The following FRAS1 variants were observed in gnomAD, a reference collection of about 807,000 sequenced individuals.
The protein encoded by FRAS1 is Fraser extracellular matrix complex subunit 1, also known as extracellular matrix organizing protein FRAS1.
A neutral mutation model predicts 435.2 loss-of-function variants in FRAS1; 290 were observed. The observed-to-expected ratio is 0.67, with a 90% CI of 0.61 to 0.73. The LOEUF is 0.73. FRAS1 is among the 30% of genes least tolerant of loss of function. The pLI, the probability that FRAS1 is intolerant of heterozygous loss-of-function variation, is 0.00. For missense variants in FRAS1, 4,860 were observed against 5,001.5 expected (o/e 0.97, Z 0.85); for synonymous variants, 1,800 against 1,851.0 (o/e 0.97, Z 0.71).
chr4:78,500,986 C>CT (rs1484778073), intron 61 of FRAS1, among the ~76,000 whole-genome samples: 8 of 152,120 alleles, frequency 5.3e-5, no homozygotes, highest in Admixed American at 5.2e-4. Flanking sequence ...TATATATATA[C>CT]TTTAAGTTCT....
At chr4:78,467,317 A>G (rs1290961281) in intron 50 of FRAS1, among the ~76,000 whole-genome samples, 3 of 152,154 alleles carry the variant, frequency 2.0e-5, no homozygotes, top group Non-Finnish European at 4.4e-5. Flanking sequence ...TATAAGTGAG[A>G]ACATGTGATG....
intron 19 of FRAS1, among the ~76,000 whole-genome samples, chr4:78,337,174 G>C (rs968875516): frequency 4.6e-5 from 7 of 152,192 alleles, no homozygotes; most frequent in African/African-American, 1.2e-4. Context: ...GTAGTGGCTT[G>C]AAGGGAGTGT....
chr4:78,132,183 C>A (rs181776865), intron 2 of FRAS1, among the ~76,000 whole-genome samples: 1 of 151,958 alleles, frequency 6.6e-6, no homozygotes, highest in Non-Finnish European at 1.5e-5. Flanking sequence ...TAAACCAGGG[C>A]CCCCCTGCAG....
At chr4:78,354,295 T>G (rs1730764977) in intron 20 of FRAS1, among the ~76,000 whole-genome samples, 1 of 152,154 alleles carries the variant, frequency 6.6e-6, no homozygotes, top group African/African-American at 2.4e-5. Context: ...ATTTGGTTAG[T>G]TTTTTAAGAG....
At chr4:78,065,390 A>T (rs1428155719) in intron 1 of FRAS1, among the ~76,000 whole-genome samples, 1 of 151,974 alleles carries the variant, frequency 6.6e-6, no homozygotes, top group East Asian at 1.9e-4. Context: ...CTTAGAAAGG[A>T]AATACACAAG....
At chr4:78,440,993 T>G (rs1734635602) in intron 40 of FRAS1, among the ~76,000 whole-genome samples, 169 bp from the exon 41 acceptor site, 1 of 152,226 alleles carries the variant, frequency 6.6e-6, no homozygotes, top group Non-Finnish European at 1.5e-5. Context: ...AAAGATTGCC[T>G]GGCTTCAGCA....
intron 33 of FRAS1, among the ~76,000 whole-genome samples, chr4:78,419,826 C>T (rs1167400952): frequency 2.0e-5 from 3 of 152,052 alleles, no homozygotes; most frequent in African/African-American, 7.2e-5. Context: ...TCTTACATGG[C>T]CAGAGCAGGA....
At chr4:78,214,136 T>G (rs4382062) in intron 2 of FRAS1, among the ~76,000 whole-genome samples, 145,941 of 152,248 alleles carry the variant, frequency 0.96, 70,239 homozygotes, top group East Asian at 1. Context: ...AACAGCAGAG[T>G]AGTAAAAGGG....
chr4:78,129,522 G>T (rs1719573236), intron 2 of FRAS1, among the ~76,000 whole-genome samples: 1 of 137,446 alleles, frequency 7.3e-6, no homozygotes, highest in Non-Finnish European at 1.5e-5. Flanking sequence ...AGAGAACTAA[G>T]ACTTGCACAT....
intron 66 of FRAS1, among the ~76,000 whole-genome samples, chr4:78,517,473 A>G (rs1057236315): frequency 6.6e-6 from 1 of 152,244 alleles, no homozygotes; most frequent in South Asian, 2.1e-4. Flanking sequence ...ATATAATCCC[A>G]CTTTTAAACC....
At chr4:78,098,280 T>TC (rs566859911) in intron 2 of FRAS1, among the ~76,000 whole-genome samples, 65 of 149,964 alleles carry the variant, frequency 4.3e-4, no homozygotes, top group African/African-American at 1.4e-3. Context: ...TCTTTTCTTT[T>TC]TTTTTTTTTT....
intron 17 of FRAS1, 97 bp downstream of exon 17, chr4:78,317,605 C>A: frequency 1.7e-6 from 2 of 1,158,358 alleles, no homozygotes; most frequent in Non-Finnish European, 1.2e-6. Flanking sequence ...AACTTTTCTT[C>A]TAGTGTATCT....
At chr4:78,346,060 T>G (rs1730594937) in intron 20 of FRAS1, among the ~76,000 whole-genome samples, 1 of 152,192 alleles carries the variant, frequency 6.6e-6, no homozygotes, top group Non-Finnish European at 1.5e-5. Flanking sequence ...TTTTTGTGGG[T>G]GTATGTTGAA....
intron 9 of FRAS1, among the ~76,000 whole-genome samples, chr4:78,273,061 T>A (rs1726795779): frequency 6.6e-6 from 1 of 152,206 alleles, no homozygotes; most frequent in Non-Finnish European, 1.5e-5. Flanking sequence ...AGGTATTTTA[T>A]TCTCTTTGAA....
chr4:78,441,127 T>C (rs751777417), intron 40 of FRAS1, 35 bp from the exon 41 acceptor site: 1 of 1,608,736 alleles, frequency 6.2e-7, no homozygotes, highest in Non-Finnish European at 8.5e-7. Flanking sequence ...TTATGTGAAA[T>C]CACCAAGGAC....
intron 2 of FRAS1, among the ~76,000 whole-genome samples, chr4:78,067,738 AC>A (rs1411590992): frequency 6.9e-6 from 1 of 144,414 alleles, no homozygotes; most frequent in Non-Finnish European, 1.5e-5. Context: ...TCGCTCTGTC[AC>A]CCAGGCTGGA....
At chr4:78,199,638 T>A (rs1370840842) in intron 2 of FRAS1, among the ~76,000 whole-genome samples, 1 of 152,222 alleles carries the variant, frequency 6.6e-6, no homozygotes, top group African/African-American at 2.4e-5. Context: ...TGGCCTTAAC[T>A]CATATTCTCT....
At chr4:78,142,059 C>T (rs1720211988) in intron 2 of FRAS1, among the ~76,000 whole-genome samples, 1 of 151,856 alleles carries the variant, frequency 6.6e-6, no homozygotes, top group African/African-American at 2.4e-5. Context: ...TTGGGTGCAC[C>T]AAAATCTCAC....
intron 2 of FRAS1, among the ~76,000 whole-genome samples, chr4:78,090,379 A>G (rs903775419): frequency 6.6e-6 from 1 of 152,204 alleles, no homozygotes; most frequent in Non-Finnish European, 1.5e-5. Context: ...TGAGTATTCA[A>G]GACTATTAGG....
Sources: gnomAD v4.1 joint callset for allele counts (sites outside exome capture counted in the v4.1 genomes callset) on GRCh38, gnomAD v4.1.1 for gene constraint, MANE v1.5 for transcripts, NCBI Gene and HGNC (gene_info 2026-07-23, HGNC 2026-07-21) for gene names.